Variants in RPS6KA3 observed in about 807,000 individuals in gnomAD.
RPS6KA3 encodes the protein ribosomal protein S6 kinase alpha-3.
A neutral mutation model predicts 67.2 loss-of-function variants in RPS6KA3; 4 were observed. The ratio of observed to expected loss-of-function variants is 0.06; its 90% CI spans 0.03 to 0.14. The LOEUF is 0.14. Ranked by LOEUF, RPS6KA3 falls within the 10% of genes least tolerant of loss-of-function variation. The probability of loss-of-function intolerance (pLI) is 1.00; values close to 1 mark genes in which losing one functional copy is unlikely to be tolerated. For synonymous variants in RPS6KA3, 182 were observed against 183.7 expected (o/e 0.99, Z 0.07); for missense variants, 204 against 559.0 (o/e 0.36, Z 6.40).
chrX:20,185,126 T>C (rs1053729757), intron 10 of RPS6KA3, among the ~76,000 whole-genome samples: 8 of 111,328 alleles, frequency 7.2e-5, no homozygotes, highest in Admixed American at 5.7e-4. Context: ...TTTCTATTTT[T>C]AGTAGAGACA....
intron 20 of RPS6KA3, among the ~76,000 whole-genome samples, chrX:20,158,387 A>AAAG (rs1406774782): frequency 1.0e-4 from 10 of 97,396 alleles, no homozygotes; most frequent in African/African-American, 1.7e-4. Flanking sequence ...AAAAAAAAAA[A>AAAG]AGAGAGAGAG....
chrX:20,221,168 T>C (rs2068978391), intron 2 of RPS6KA3, among the ~76,000 whole-genome samples: 1 of 111,815 alleles, frequency 8.9e-6, no homozygotes, highest in African/African-American at 3.3e-5. Context: ...TTGAGATTAA[T>C]ACCAAATATC....
chrX:20,236,550 T>C (rs2069416582), intron 1 of RPS6KA3, among the ~76,000 whole-genome samples: 1 of 111,355 alleles, frequency 9.0e-6, no homozygotes, highest in East Asian at 2.8e-4. Context: ...CAAGCTATGT[T>C]CTAGGCACTG....
intron 2 of RPS6KA3, among the ~76,000 whole-genome samples, chrX:20,222,991 T>C (rs923053680): frequency 8.9e-6 from 1 of 111,867 alleles, no homozygotes; most frequent in Non-Finnish European, 1.9e-5. Flanking sequence ...GTCTATTTCC[T>C]CTTTACTAAA....
intron 2 of RPS6KA3, among the ~76,000 whole-genome samples, chrX:20,211,848 C>A (rs1305994368): frequency 9.0e-6 from 1 of 111,727 alleles, no homozygotes; most frequent in Non-Finnish European, 1.9e-5. Flanking sequence ...GCCATTTATG[C>A]CTTTAAATCA....
rs1360561190 is a variant in RPS6KA3, at chrX:20,266,635, TC to T, written c.-4del. The T allele has an allele frequency of 2.0e-5, 23 of 1,126,427 alleles. No homozygotes were observed. The highest frequency in any genetic ancestry group is 5.5e-4 in the Middle Eastern group (2 of 3,616). 92.8% of individuals were successfully genotyped at this position (1,126,427 alleles called of 1,213,427 possible). On this transcript the variant is annotated 5_prime_UTR_variant, in exon 1 of 22. Coordinates refer to ENST00000379565, the MANE Select transcript of RPS6KA3 (RefSeq NM_004586.3). ...TCCGCCAGCTGCGCCAGCGGCATCT[TC>T]CCCCCCGGCCCGCCGCCTTCACCGC...
chrX:20,259,479 C>G (rs2070166038), intron 1 of RPS6KA3, among the ~76,000 whole-genome samples: 1 of 111,443 alleles, frequency 9.0e-6, no homozygotes, highest in Admixed American at 9.5e-5. Context: ...TAAGACGGAA[C>G]ATTTTTATAC....
intron 1 of RPS6KA3, among the ~76,000 whole-genome samples, chrX:20,252,775 A>T (rs754358501): frequency 9.0e-6 from 1 of 111,245 alleles, no homozygotes; most frequent in Non-Finnish European, 1.9e-5. Flanking sequence ...TAGAGAAGGA[A>T]GCAGAATGCC....
chrX:20,206,194 T>C (rs758579618), intron 3 of RPS6KA3, among the ~76,000 whole-genome samples: 61 of 112,292 alleles, frequency 5.4e-4, no homozygotes, highest in Non-Finnish European at 1.1e-3. Context: ...CCCATGAAGC[T>C]ATTCTAGTCT....
chrX:20,184,142 G>A (rs750001327), intron 10 of RPS6KA3, among the ~76,000 whole-genome samples: 2 of 111,197 alleles, frequency 1.8e-5, no homozygotes, highest in Non-Finnish European at 3.8e-5. Context: ...TCCGCCTCCC[G>A]GGTTCAAGTG....
At chrX:20,218,008 C>A (rs1354567160) in intron 2 of RPS6KA3, among the ~76,000 whole-genome samples, 1 of 111,940 alleles carries the variant, frequency 8.9e-6, no homozygotes, top group African/African-American at 3.2e-5. Context: ...TATAAGTCAG[C>A]TCCTTTTATC....
intron 2 of RPS6KA3, among the ~76,000 whole-genome samples, chrX:20,209,813 T>C (rs911093551): frequency 6.2e-5 from 7 of 112,329 alleles, no homozygotes; most frequent in Non-Finnish European, 1.3e-4. Flanking sequence ...TGTATGGTTA[T>C]GCTACGCAGA....
At chrX:20,181,509 C>T (rs956805244) in intron 10 of RPS6KA3, among the ~76,000 whole-genome samples, 1 of 110,855 alleles carries the variant, frequency 9.0e-6, no homozygotes, top group Non-Finnish European at 1.9e-5. Context: ...TACAGAATTC[C>T]GATTTATTAT....
chrX:20,264,393 A>G (rs982722320), intron 1 of RPS6KA3, among the ~76,000 whole-genome samples: 11 of 112,303 alleles, frequency 9.8e-5, no homozygotes, highest in Non-Finnish European at 2.1e-4. Context: ...CTACTGGCTT[A>G]TTTATACCCC....
intron 2 of RPS6KA3, among the ~76,000 whole-genome samples, chrX:20,223,186 T>G (rs2069026245): frequency 8.9e-6 from 1 of 111,752 alleles, no homozygotes; most frequent in Non-Finnish European, 1.9e-5. Flanking sequence ...AATATTTTAT[T>G]TAGGATTTTT....
intron 1 of RPS6KA3, among the ~76,000 whole-genome samples, chrX:20,265,313 G>C (rs1221445917): frequency 8.9e-6 from 1 of 111,766 alleles, no homozygotes; most frequent in Non-Finnish European, 1.9e-5. Flanking sequence ...ACCGGAGAAT[G>C]CAAGTGTCCC....
intron 1 of RPS6KA3, 35 bp downstream of exon 1, chrX:20,266,527 GGA>G: frequency 1.8e-6 from 2 of 1,092,852 alleles, no homozygotes; most frequent in South Asian, 3.9e-5. Context: ...GGCGCGAGGA[GGA>G]GATGCGCCGG....
intron 3 of RPS6KA3, among the ~76,000 whole-genome samples, chrX:20,205,619 G>A (rs1041647553): frequency 8.9e-6 from 1 of 111,930 alleles, no homozygotes; most frequent in African/African-American, 3.3e-5. Flanking sequence ...AGTTAGTGGG[G>A]AGCCAACCTA....
rs371270733 is a variant in RPS6KA3 at position 20,177,284 on chromosome X, C to G, written c.846-200G>C. Among the ~76,000 whole-genome samples the G allele has an allele frequency of 2.0e-4, 22 of 112,265 alleles. No homozygotes were observed. The East Asian group carries it at 5.6e-3, about 28-fold the overall frequency. On this transcript the variant is annotated intron_variant, in intron 10 of 21. Transcript: ENST00000379565. ...CAAAACTACAGTACAATATCACATCCAGGATATTGACATGGAGACAATCCA... is the reference window on the plus strand; with the variant it reads ...CAAAACTACAGTACAATATCACATCGAGGATATTGACATGGAGACAATCCA...
Sources: gnomAD v4.1 joint callset for allele counts (sites outside exome capture counted in the v4.1 genomes callset) on GRCh38, gnomAD v4.1.1 for gene constraint, MANE v1.5 for transcripts, NCBI Gene and HGNC (gene_info 2026-07-23, HGNC 2026-07-21) for gene names.